PIGA: variants seen among roughly 807,000 people sequenced by gnomAD.
PIGA encodes phosphatidylinositol N-acetylglucosaminyltransferase subunit A.
A neutral mutation model predicts 17.1 loss-of-function variants in PIGA; 3 were observed. The observed-to-expected ratio is 0.18, with a 90% confidence interval of 0.08 to 0.45. PIGA has a LOEUF of 0.45. PIGA is among the 20% of genes least tolerant of loss of function. The probability of loss-of-function intolerance (pLI) is 0.99; values close to 1 mark genes in which losing one functional copy is unlikely to be tolerated. For missense variants in PIGA, 231 were observed against 374.1 expected (o/e 0.62, Z 3.16); for synonymous variants, 126 against 135.1 (o/e 0.93, Z 0.47).
chrX:15,330,788 G>C (rs953917623), intron 2 of PIGA: 1 of 114,091 alleles, frequency 8.8e-6, no homozygotes, highest in African/African-American at 3.3e-5. Context: ...ATTTTTAGTT[G>C]AGACAGGGTT....
rs752766593 is a variant in PIGA at position 15,331,340 on chromosome X, T to G, written c.591A>C (p.Ala197=). 2 of 1,208,263 alleles carry G rather than the reference T, an allele frequency of 1.7e-6. No homozygotes were observed. Among genetic ancestry groups the G allele is most frequent in the Non-Finnish European group, 2.2e-6 (2 of 893,339 alleles). Residue 197 remains alanine (A), a synonymous_variant, in exon 2 of 6, where the codon GCA becomes GCC. Coordinates refer to ENST00000333590, the MANE Select transcript of PIGA (RefSeq NM_002641.4). ...TSKENTVLRA[A]LNPEIVSVIP... is the part of the protein sequence containing the mutation. ...TGACGGACACTATTTCAGGATTCAGTGCTGCTCTTAGTACAGTATTTTCCT... is the reference window on the plus strand; with the variant it reads ...TGACGGACACTATTTCAGGATTCAGGGCTGCTCTTAGTACAGTATTTTCCT...
intron 3 of PIGA, 184 bp downstream of exon 3, chrX:15,325,730 G>C: frequency 3.3e-6 from 1 of 304,893 alleles, no homozygotes. Context: ...AAAAAATAGT[G>C]AATTAACTAG....
At chrX:15,322,456 C>T (rs1480664914) in intron 5 of PIGA, among the ~76,000 whole-genome samples, 1 of 112,139 alleles carries the variant, frequency 8.9e-6, no homozygotes, top group African/African-American at 3.2e-5. Context: ...TTTTGCTGAG[C>T]AAGTAGGTGG....
Position 15,321,202 on chromosome X carries a change from C to G in PIGA, c.*304G>C. 5.4e-6 allele frequency: 1 copy of G among 184,434 alleles called. No homozygotes were observed. The highest frequency in any genetic ancestry group is 1.0e-5 in the Non-Finnish European group (1 of 98,975). The allele number at this position is 184,434 out of a possible 1,213,427, so 15.2% of individuals were successfully genotyped here. A position where few individuals can be genotyped will look rare whatever the true frequency, so the allele number is the denominator to read the frequency against. ...CAGAAAACGTTTGGCCCTTCAGCAC[C>G]CAAAGCTCTCAAAATATAATGTTAA... On this transcript the variant is annotated 3_prime_UTR_variant, in exon 6 of 6. Transcript: ENST00000333590.
chrX:15,334,257 C>T (rs772977032), intron 1 of PIGA, among the ~76,000 whole-genome samples: 1 of 95,510 alleles, frequency 1.0e-5, no homozygotes, highest in South Asian at 5.4e-4. Flanking sequence ...GTGGAGCGAT[C>T]TCGTCTCACT....
intron 2 of PIGA, chrX:15,327,957 T>G (rs1410338314): frequency 8.9e-6 from 1 of 111,954 alleles, no homozygotes; most frequent in Non-Finnish European, 1.9e-5. Context: ...ATAAAAAAAT[T>G]TATTCTGGAG....
At chrX:15,327,519 T>A (rs1005548758) in intron 2 of PIGA, 1 of 107,227 alleles carries the variant, frequency 9.3e-6, no homozygotes, top group Non-Finnish European at 1.9e-5. Context: ...ACTTTCAAAC[T>A]GTTATTGTAT....
At chrX:15,327,587 G>A (rs1922023628) in intron 2 of PIGA, 1 of 111,835 alleles carries the variant, frequency 8.9e-6, no homozygotes, top group African/African-American at 3.2e-5. Context: ...TAAAATCATA[G>A]CTATCTTTGT....
intron 1 of PIGA, among the ~76,000 whole-genome samples, chrX:15,333,827 G>T (rs985266780): frequency 8.9e-6 from 1 of 112,360 alleles, no homozygotes; most frequent in Non-Finnish European, 1.9e-5. Flanking sequence ...TCAGTGCGGT[G>T]TCTAAAGATA....
At chrX:15,333,305 C>T (rs764156471) in intron 1 of PIGA, among the ~76,000 whole-genome samples, 1 of 112,541 alleles carries the variant, frequency 8.9e-6, no homozygotes, top group Non-Finnish European at 1.9e-5. Context: ...ACCCGGAGCT[C>T]GAACTATCTT....
Position 15,321,291 on chromosome X carries a change from C to G in PIGA, c.*215G>C. Reference sequence around the variant, plus strand: ...TGCATACCTGAGTGGCTTAAATGTTCTCTCCTAAATTTTAAATAAGTGCAA... The same window carrying G: ...TGCATACCTGAGTGGCTTAAATGTTGTCTCCTAAATTTTAAATAAGTGCAA... On this transcript the variant is annotated 3_prime_UTR_variant, in exon 6 of 6. Transcript: ENST00000333590. 2 of 344,912 alleles carry G rather than the reference C, an allele frequency of 5.8e-6. No individual in the cohort carries two copies. 28.4% of individuals were successfully genotyped at this position (344,912 alleles called of 1,213,427 possible). A position where few individuals can be genotyped will look rare whatever the true frequency, so the allele number is the denominator to read the frequency against.
intron 5 of PIGA, among the ~76,000 whole-genome samples, chrX:15,322,696 G>A (rs781560560): frequency 5.4e-5 from 6 of 111,524 alleles, no homozygotes; most frequent in African/African-American, 9.8e-5. Flanking sequence ...TGAAAGGTAC[G>A]GCATGTTTTC....
intron 1 of PIGA, among the ~76,000 whole-genome samples, chrX:15,332,540 T>G (rs950896483): frequency 4.4e-5 from 5 of 112,462 alleles, no homozygotes; most frequent in Non-Finnish European, 9.4e-5. Flanking sequence ...TGCTTAGAGG[T>G]AACACAATGT....
intron 1 of PIGA, among the ~76,000 whole-genome samples, chrX:15,332,599 T>C (rs769213176): frequency 8.9e-6 from 1 of 112,503 alleles, no homozygotes; most frequent in Non-Finnish European, 1.9e-5. Flanking sequence ...TATGCCCTTC[T>C]ATAGTATAGT....
chrX:15,328,954 TG>T (rs1219933921), intron 2 of PIGA: 1 of 112,570 alleles, frequency 8.9e-6, no homozygotes, highest in African/African-American at 3.2e-5. Flanking sequence ...GAATACAGAA[TG>T]CCAGTCGGTT....
intron 3 of PIGA, 133 bp from the exon 4 acceptor site, chrX:15,325,285 T>G (rs753272427): frequency 1.2e-5 from 6 of 514,913 alleles, no homozygotes; most frequent in East Asian, 8.1e-5. Flanking sequence ...ACCTCAAGAT[T>G]AGTATCACCA....
At position 15,331,417 on chromosome X, in the gene PIGA, T is replaced by C. The variant is rs375707235; in HGVS notation, c.514A>G (p.Thr172Ala). ...VSSVLTNKLL[T>A]VSLCDTNHII... ...TGGTTTGTATCACAAAGAGACACGG[T>C]TAGAAGCTTGTTTGTAAGCACCGAG... The change falls in exon 2 of 6, where the codon ACC becomes GCC. Residue 172 changes from threonine to alanine, a missense_variant. This residue lies in a region of PIGA where 83 missense variants were observed against 190.1 expected (regional missense o/e 0.44). Coordinates refer to ENST00000333590, the MANE Select transcript of PIGA (RefSeq NM_002641.4). The C allele has an allele frequency of 8.3e-7, 1 of 1,210,781 alleles. No individual in the cohort carries two copies. The highest frequency in any genetic ancestry group is 1.7e-5 in the African/African-American group (1 of 57,777).
At chrX:15,332,547 A>G (rs1212727428) in intron 1 of PIGA, among the ~76,000 whole-genome samples, 1 of 112,486 alleles carries the variant, frequency 8.9e-6, no homozygotes, top group Admixed American at 9.4e-5. Flanking sequence ...AGGTAACACA[A>G]TGTAGCAGTC....
chrX:15,321,070 C>T lies in PIGA; in HGVS notation c.*436G>A, dbSNP rs1921794959. On this transcript the variant is annotated 3_prime_UTR_variant, in exon 6 of 6. Transcript: ENST00000333590. ...TAGATTCCTAATAAATGTATATGAACATGATATAAAACAGTTCATATAATT... is the reference window on the plus strand; with the variant it reads ...TAGATTCCTAATAAATGTATATGAATATGATATAAAACAGTTCATATAATT... The T allele has an allele frequency of 3.4e-5, 4 of 116,873 alleles. No homozygotes were observed. In the South Asian group the frequency reaches 1.3e-3, roughly 37 times the overall value. 9.6% of individuals were successfully genotyped at this position (116,873 alleles called of 1,213,427 possible).
Sources: gnomAD v4.1 joint callset for allele counts (sites outside exome capture counted in the v4.1 genomes callset) on GRCh38, gnomAD v4.1.1 for gene constraint, gnomAD v4.1.1 regional missense constraint, MANE v1.5 for transcripts, NCBI Gene and HGNC (gene_info 2026-07-23, HGNC 2026-07-21) for gene names.